ST18: variants seen among roughly 807,000 people sequenced by gnomAD.
ST18 encodes ST18 C2H2C-type zinc finger transcription factor.
ST18 carries 50 observed loss-of-function variants against 110.0 expected under a neutral mutation model. The ratio of observed to expected loss-of-function variants is 0.45; its 90% CI spans 0.36 to 0.58. The LOEUF is 0.58. Among genes scored for constraint, ST18 ranks in the 20% least tolerant of loss-of-function variants. The probability of loss-of-function intolerance (pLI) is 0.00; values close to 1 mark genes in which losing one functional copy is unlikely to be tolerated. For missense variants in ST18, 1,306 were observed against 1,280.1 expected (o/e 1.02, Z -0.31); for synonymous variants, 461 against 452.4 (o/e 1.02, Z -0.24).
At chr8:52,344,001 T>TTAA (rs2140236629) in intron 2 of ST18, among the ~76,000 whole-genome samples, 1 of 152,324 alleles carries the variant, frequency 6.6e-6, no homozygotes, top group East Asian at 1.9e-4. Context: ...AATGTAATGT[T>TTAA]TAACCAATAA....
At chr8:52,264,643 A>G (rs1156284526) in intron 2 of ST18, among the ~76,000 whole-genome samples, 1 of 152,234 alleles carries the variant, frequency 6.6e-6, no homozygotes, top group East Asian at 1.9e-4. Context: ...TGTCCTTGTG[A>G]ACAAGAGTCC....
chr8:52,130,318 G>A (rs1221561525), intron 22 of ST18, among the ~76,000 whole-genome samples: 2 of 152,126 alleles, frequency 1.3e-5, no homozygotes, highest in Admixed American at 6.5e-5. Flanking sequence ...TAGAGATGGG[G>A]TCTTGTTCTG....
At position 52,197,108 on chromosome 8, in the gene ST18, C is replaced by T. The variant is rs78874177; in HGVS notation, c.86+14971G>A. On this transcript the variant is annotated intron_variant, in intron 8 of 25. Transcript: ENST00000689386. ...CAAAGTCCATTTCAAAATTCTACTT[C>T]GGCTCTCAGTGTTGAATGGGGACAT... Among the ~76,000 whole-genome samples the T allele has an allele frequency of 7.1e-3, 1,082 of 152,250 alleles. 16 individuals are homozygous for T. Among genetic ancestry groups the T allele is most frequent in the Admixed American group, 0.038 (578 of 15,278 alleles).
chr8:52,398,734 T>A, intron 2 of ST18, among the ~76,000 whole-genome samples: 1 of 152,168 alleles, frequency 6.6e-6, no homozygotes, highest in East Asian at 1.9e-4. Flanking sequence ...ATTCTGCCAA[T>A]GTGATGTATC....
At chr8:52,119,047 G>A (rs1346159) in intron 23 of ST18, among the ~76,000 whole-genome samples, 47,942 of 152,074 alleles carry the variant, frequency 0.32, 12,111 homozygotes, top group African/African-American at 0.7. Flanking sequence ...AGTCTTCCAC[G>A]TGGACATGGA....
At chr8:52,380,325 T>G (rs894977640) in intron 2 of ST18, among the ~76,000 whole-genome samples, 2 of 152,252 alleles carry the variant, frequency 1.3e-5, no homozygotes, top group African/African-American at 4.8e-5. Flanking sequence ...CTAACTTTAT[T>G]GTAAGAATAC....
chr8:52,159,195 T>C (rs1178742869), intron 14 of ST18, 86 bp from the exon 15 acceptor site: 7 of 1,255,012 alleles, frequency 5.6e-6, no homozygotes, highest in Non-Finnish European at 5.5e-6. Flanking sequence ...TGTAACTTCT[T>C]GCATTAAAAT....
intron 2 of ST18, chr8:52,407,528 G>A (rs1844943509): frequency 6.6e-6 from 1 of 152,090 alleles, no homozygotes; most frequent in Admixed American, 6.6e-5. Context: ...ACTTCACATA[G>A]TCTTTTATAA....
chr8:52,226,836 C>G (rs536709496), intron 3 of ST18, among the ~76,000 whole-genome samples: 1 of 152,126 alleles, frequency 6.6e-6, no homozygotes, highest in Non-Finnish European at 1.5e-5. Flanking sequence ...TCTATTTAAG[C>G]TATTTCATTA....
chr8:52,225,185 C>A (rs1321386211), intron 3 of ST18, among the ~76,000 whole-genome samples: 1 of 152,194 alleles, frequency 6.6e-6, no homozygotes, highest in Non-Finnish European at 1.5e-5. Context: ...ATTGCAATAA[C>A]TTATGCAAGA....
chr8:52,175,040 G>A (rs2066356642), intron 9 of ST18, among the ~76,000 whole-genome samples: 1 of 152,192 alleles, frequency 6.6e-6, no homozygotes, highest in Non-Finnish European at 1.5e-5. Context: ...AAGCCCTGTT[G>A]TTAGCATCAG....
chr8:52,140,568 GAT>G (rs1342119197), intron 17 of ST18, among the ~76,000 whole-genome samples: 1 of 151,410 alleles, frequency 6.6e-6, no homozygotes, highest in Non-Finnish European at 1.5e-5. Flanking sequence ...TAGATAGATA[GAT>G]AGATAGATAG....
intron 23 of ST18, among the ~76,000 whole-genome samples, chr8:52,120,783 C>T (rs1338404468): frequency 1.3e-5 from 2 of 152,100 alleles, no homozygotes; most frequent in African/African-American, 4.8e-5. Flanking sequence ...AGAGACAGAG[C>T]AGAAGCGAGG....
chr8:52,204,719 G>T (rs994477477), intron 8 of ST18, among the ~76,000 whole-genome samples: 1 of 152,170 alleles, frequency 6.6e-6, no homozygotes, highest in Non-Finnish European at 1.5e-5. Flanking sequence ...AAAGCTAAAT[G>T]GATGAAAAAA....
At chr8:52,229,740 T>C (rs1243368377) in intron 3 of ST18, 1 of 152,200 alleles carries the variant, frequency 6.6e-6, no homozygotes, top group Non-Finnish European at 1.5e-5. Flanking sequence ...CTTTATCCTG[T>C]CTACCACATT....
chr8:52,144,847 T>C (rs1379133662), intron 16 of ST18, among the ~76,000 whole-genome samples: 2 of 152,074 alleles, frequency 1.3e-5, no homozygotes, highest in Non-Finnish European at 2.9e-5. Flanking sequence ...TTTTATGCTG[T>C]AAATGGCTAA....
At chr8:52,165,903 C>A (rs912522718) in intron 11 of ST18, among the ~76,000 whole-genome samples, 1 of 152,194 alleles carries the variant, frequency 6.6e-6, no homozygotes, top group Admixed American at 6.5e-5. Context: ...TGTAACAGGT[C>A]GATATTGTAC....
At chr8:52,226,366 C>T (rs910830555) in intron 3 of ST18, among the ~76,000 whole-genome samples, 3 of 152,184 alleles carry the variant, frequency 2.0e-5, no homozygotes, top group African/African-American at 7.2e-5. Flanking sequence ...GCAAAAAACG[C>T]ATCTCATGGA....
At chr8:52,232,194 A>T (rs1380339953) in intron 2 of ST18, among the ~76,000 whole-genome samples, 1 of 152,228 alleles carries the variant, frequency 6.6e-6, no homozygotes, top group Non-Finnish European at 1.5e-5. Flanking sequence ...ACAGATAAAA[A>T]GTGAATGTTC....
Sources: gnomAD v4.1 joint callset for allele counts (sites outside exome capture counted in the v4.1 genomes callset) on GRCh38, gnomAD v4.1.1 for gene constraint, MANE v1.5 for transcripts, NCBI Gene and HGNC (gene_info 2026-07-23, HGNC 2026-07-21) for gene names.